The following COX11 variants were observed in gnomAD, a reference collection of about 807,000 sequenced individuals.
COX11 encodes cytochrome c oxidase assembly protein COX11, mitochondrial.
In COX11, 18 loss-of-function variants were observed where a neutral mutation model predicts 29.4. The observed-to-expected ratio is 0.61, with a 90% CI of 0.42 to 0.91. The LOEUF is 0.91. Among genes scored for constraint, COX11 ranks in the 40% least tolerant of loss-of-function variants. The pLI, the probability that COX11 is intolerant of heterozygous loss-of-function variation, is 0.00. For synonymous variants in COX11, 131 were observed against 124.0 expected (o/e 1.06, Z -0.38); for missense variants, 312 against 346.0 (o/e 0.90, Z 0.78).
In COX11 at chr17:54,960,954, C is replaced by T. The variant is rs868384005; in HGVS notation, c.*1779G>A. On this transcript the variant is annotated 3_prime_UTR_variant, in exon 4 of 4. Transcript: ENST00000299335. ...TCATATGCAGTTAATACTTGTTAAC[C>T]GGTACCAGTAGACCCATTTACCGTT... Among the ~76,000 whole-genome samples, 11 of 152,090 alleles carry T rather than the reference C, an allele frequency of 7.2e-5. No individual in the cohort carries two copies. The highest frequency in any genetic ancestry group is 2.1e-4 in the South Asian group (1 of 4,820).
In COX11 at chr17:54,960,746, T is replaced by C; in HGVS notation, c.*1987A>G. ...GCCATCTGAGTCTGACACTTTGAAA[T>C]ATGAGTTCCCCTGAATCATTCAAAT... On this transcript the variant is annotated 3_prime_UTR_variant, in exon 4 of 4. Transcript: ENST00000299335. 1.4e-6 allele frequency: 1 copy of C among 727,088 alleles called. No individual in the cohort carries two copies. 45.0% of individuals were successfully genotyped at this position (727,088 alleles called of 1,614,324 possible).
exon 1 of COX11, chr17:54,953,949 G>T (rs777185871): frequency 1.5e-4 from 23 of 152,180 alleles, no homozygotes; most frequent in Non-Finnish European, 3.1e-4. Context: ...AATGCTGATG[G>T]ATTTTCATTA....
At chr17:54,958,748 A>AAAAAAAAAAAAAAAAAG (rs372776781), downstream of COX11, among the ~76,000 whole-genome samples, 23 of 118,938 alleles carry the variant, frequency 1.9e-4, 1 homozygote, top group Non-Finnish European at 3.5e-4. Flanking sequence ...AAAAAAAAAA[A>AAAAAAAAAAAAAAAAAG]GGGGTTGTTG....
intron 2 of COX11, 127 bp downstream of exon 2, chr17:54,964,570 G>T: frequency 2.2e-6 from 2 of 902,322 alleles, no homozygotes; most frequent in Non-Finnish European, 1.7e-6. Context: ...AGTCAATTTG[G>T]AACAATGGAA....
At position 54,967,034 on chromosome 17, in the gene COX11, GCGCGCGCGCACACACACACACACA is replaced by G. The variant is rs2077234929; in HGVS notation, c.366+1223_366+1246del. Among the ~76,000 whole-genome samples the G allele has an allele frequency of 8.8e-5, 9 of 102,458 alleles. No individual in the cohort carries two copies. The East Asian group carries it at 2.5e-3, about 29-fold the overall frequency. The allele number at this position is 102,458 out of a possible 152,430, so 67.2% of individuals were successfully genotyped here. On this transcript the variant is annotated intron_variant, in intron 1 of 3. Transcript: ENST00000299335. ...TACAAATTTAAATAAATAAACGTGC[GCGCGCGCGCACACACACACACACA>G]CACACACACACACACGGAAAGAGTG...
intron 1 of COX11, among the ~76,000 whole-genome samples, chr17:54,967,802 A>G (rs1264836739): frequency 2.6e-5 from 4 of 152,128 alleles, no homozygotes; most frequent in African/African-American, 4.8e-5. Context: ...GGCCTAATTC[A>G]TGCCTCTTTG....
At chr17:54,964,959 A>C in intron 1 of COX11, 107 bp from the exon 2 acceptor site, 1 of 1,047,078 alleles carries the variant, frequency 9.6e-7, no homozygotes, top group Non-Finnish European at 1.4e-6. Context: ...ATTTGGAGCC[A>C]AGTTTACATA....
chr17:54,963,869 TTATG>T (rs1278289746), intron 2 of COX11, among the ~76,000 whole-genome samples: 1 of 152,050 alleles, frequency 6.6e-6, no homozygotes, highest in Non-Finnish European at 1.5e-5. Flanking sequence ...AGAACCTTTA[TTATG>T]CCACAAAGTG....
rs1394446346 is a variant in COX11 at position 54,962,435 on chromosome 17, T to C, written c.*298A>G. 1 of 1,023,746 alleles carries C rather than the reference T, an allele frequency of 9.8e-7. No individual in the cohort carries two copies. The highest frequency in any genetic ancestry group is 1.7e-5 in the African/African-American group (1 of 58,284). The allele number at this position is 1,023,746 out of a possible 1,614,324, so 63.4% of individuals were successfully genotyped here. On this transcript the variant is annotated 3_prime_UTR_variant, in exon 4 of 4. Coordinates refer to ENST00000299335, the MANE Select transcript of COX11 (RefSeq NM_004375.5). ...GAGTTAATAATCTGGAAGGGAATTA[T>C]GGAATTAAGCTGAACCCATGCCTGC...
intron 3 of COX11, 71 bp from the exon 4 acceptor site, chr17:54,962,986 T>C (rs917042839): frequency 9.7e-6 from 13 of 1,341,514 alleles, no homozygotes; most frequent in Non-Finnish European, 1.4e-5. Context: ...TACAGTTCTT[T>C]TATCTTAGCA....
rs781425580 is a variant in COX11, at chr17:54,960,650, C to T, written c.*2083G>A. ...GAGGTAAAGACTTCAACTTATACAA[C>T]TTAATTCCATATTCCATATAATTTC... On this transcript the variant is annotated 3_prime_UTR_variant, in exon 4 of 4. Coordinates refer to ENST00000299335, the MANE Select transcript of COX11 (RefSeq NM_004375.5). 4.5e-6 allele frequency: 7 copies of T among 1,542,830 alleles called. No individual in the cohort carries two copies. Among genetic ancestry groups the T allele is most frequent in the Non-Finnish European group, 4.5e-6 (5 of 1,116,202 alleles).
rs1363169182 is a variant in COX11, at chr17:54,961,222, CTCTT to C, written c.*1507_*1510del. ...CAGGATGAATACTGGCCATTTTCTT[CTCTT>C]TATTTTAGAAGAAAGTGGATGATCA... On this transcript the variant is annotated 3_prime_UTR_variant, in exon 4 of 4. Coordinates refer to ENST00000299335, the MANE Select transcript of COX11 (RefSeq NM_004375.5). The C allele has an allele frequency of 2.7e-6, 4 of 1,500,948 alleles. No homozygotes were observed. Among genetic ancestry groups the C allele is most frequent in the African/African-American group, 2.8e-5 (2 of 72,174 alleles). 93.0% of individuals were successfully genotyped at this position (1,500,948 alleles called of 1,614,324 possible).
chr17:54,961,964 C>CTT lies in COX11; in HGVS notation c.*767_*768dup, dbSNP rs3214380. On this transcript the variant is annotated 3_prime_UTR_variant, in exon 4 of 4. Coordinates refer to ENST00000299335, the MANE Select transcript of COX11 (RefSeq NM_004375.5). ...AAATCACTATTAAAACAATTTAATACTTTTTTTTTTTAACAAAGGTTTGTT... is the reference window on the plus strand; with the variant it reads ...AAATCACTATTAAAACAATTTAATACTTTTTTTTTTTTTAACAAAGGTTTGTT... The CTT allele has an allele frequency of 7.0e-6, 6 of 859,990 alleles. No individual in the cohort carries two copies. Among genetic ancestry groups the CTT allele is most frequent in the Non-Finnish European group, 7.0e-6 (5 of 717,640 alleles). 53.3% of individuals were successfully genotyped at this position (859,990 alleles called of 1,614,324 possible).
downstream of COX11, chr17:54,957,187 T>C (rs2049554418): frequency 6.6e-6 from 1 of 152,272 alleles, no homozygotes; most frequent in South Asian, 2.1e-4. Flanking sequence ...CTTCTTTGGC[T>C]GACATGTGTA....
downstream of COX11, among the ~76,000 whole-genome samples, chr17:54,955,458 T>C (rs544844130): frequency 4.6e-5 from 7 of 152,290 alleles, no homozygotes; most frequent in African/African-American, 1.7e-4. Flanking sequence ...TTGGGTCTCC[T>C]CATCAAACTA....
intron 2 of COX11, 117 bp from the exon 3 acceptor site, chr17:54,963,548 G>T: frequency 1.0e-6 from 1 of 963,046 alleles, no homozygotes; most frequent in Non-Finnish European, 1.5e-6. Context: ...CTAATCTAAT[G>T]TAGGGTTCAG....
intron 1 of COX11, among the ~76,000 whole-genome samples, chr17:54,966,315 C>T (rs903378742): frequency 6.6e-6 from 1 of 152,194 alleles, no homozygotes; most frequent in African/African-American, 2.4e-5. Flanking sequence ...GTCCTGGTCT[C>T]TATTCTAGTT....
At position 54,961,805 on chromosome 17, in the gene COX11, A is replaced by C. The variant is rs1052767400; in HGVS notation, c.*928T>G. ...TCCTGAACAGGTCACTAGACTCTACATTGGGCAGCCTTTAAATATGATTCT... is the reference window on the plus strand; with the variant it reads ...TCCTGAACAGGTCACTAGACTCTACCTTGGGCAGCCTTTAAATATGATTCT... On this transcript the variant is annotated 3_prime_UTR_variant, in exon 4 of 4. Transcript: ENST00000299335. 3.4e-5 allele frequency: 34 copies of C among 985,968 alleles called. No individual in the cohort carries two copies. Among genetic ancestry groups the C allele is most frequent in the Admixed American group, 6.1e-5 (1 of 16,332 alleles). The allele number at this position is 985,968 out of a possible 1,614,324, so 61.1% of individuals were successfully genotyped here.
chr17:54,963,496 A>AATGAGACT, intron 2 of COX11, 65 bp from the exon 3 acceptor site: 1 of 1,497,370 alleles, frequency 6.7e-7, no homozygotes, highest in Non-Finnish European at 9.0e-7. Flanking sequence ...TTTCCCTGCT[A>AATGAGACT]AATTAGTCTC....
Sources: allele counts gnomAD v4.1 joint callset (sites outside exome capture counted in the v4.1 genomes callset), GRCh38; gene constraint gnomAD v4.1.1; transcripts MANE v1.5; gene names NCBI Gene and HGNC (gene_info 2026-07-23, HGNC 2026-07-21).